PCDHA9: variants seen among roughly 807,000 people sequenced by gnomAD.
PCDHA9 encodes protocadherin alpha 9.
Under a neutral mutation model 62.0 loss-of-function variants are expected in PCDHA9, and 62 were observed. The ratio of observed to expected loss-of-function variants is 1.00; its 90% CI spans 0.81 to 1.23. The LOEUF is 1.23. Among genes scored for constraint, PCDHA9 ranks in the 50% most tolerant of loss-of-function variants. The pLI is 0.00. For synonymous variants in PCDHA9, 557 were observed against 567.6 expected (o/e 0.98, Z 0.27); for missense variants, 1,205 against 1,249.8 (o/e 0.96, Z 0.54).
At chr5:140,988,828 A>C (rs1554250455) in intron 3 of PCDHA9, 1 of 152,170 alleles carries the variant, frequency 6.6e-6, no homozygotes, top group Non-Finnish European at 1.5e-5. Flanking sequence ...CCAAACAGAG[A>C]TCACGTGTCT....
At chr5:140,882,944 G>A (rs2059374287) in intron 1 of PCDHA9, 2 of 1,614,088 alleles carry the variant, frequency 1.2e-6, no homozygotes, top group Non-Finnish European at 8.5e-7. Flanking sequence ...GACTGGCACA[G>A]TTCAGCTGCT....
chr5:140,854,230 A>G (rs2043046050), intron 1 of PCDHA9: 3 of 629,370 alleles, frequency 4.8e-6, no homozygotes, highest in Admixed American at 1.3e-4. Flanking sequence ...CTACATTGGG[A>G]TATTTATGTT....
intron 3 of PCDHA9, among the ~76,000 whole-genome samples, chr5:141,008,308 TA>T (rs1554261716): frequency 6.6e-6 from 1 of 152,214 alleles, no homozygotes; most frequent in East Asian, 1.9e-4. Flanking sequence ...CCCTAAACTG[TA>T]ATTGAACATA....
chr5:141,006,992 A>C (rs1187318452), intron 3 of PCDHA9, among the ~76,000 whole-genome samples: 3 of 152,196 alleles, frequency 2.0e-5, no homozygotes, highest in Non-Finnish European at 2.9e-5. Flanking sequence ...GGCTTAAAAT[A>C]TAAGTCTGCA....
At chr5:140,958,700 C>G (rs2095439212) in intron 1 of PCDHA9, among the ~76,000 whole-genome samples, 1 of 152,086 alleles carries the variant, frequency 6.6e-6, no homozygotes, top group Non-Finnish European at 1.5e-5. Context: ...CCTAGAGTGA[C>G]AACTCTGTTA....
intron 1 of PCDHA9, chr5:140,857,395 C>T (rs1554149953): frequency 6.3e-7 from 1 of 1,598,586 alleles, no homozygotes; most frequent in South Asian, 1.1e-5. Context: ...ACGTGAACGA[C>T]AACGCGCCTG....
rs2150415705 is a variant in PCDHA9 at position 140,848,636 on chromosome 5, C to G, written c.141C>G (p.Arg47=). 17 of 1,593,284 alleles carry G rather than the reference C, an allele frequency of 1.1e-5. 2 individuals carry two copies. The highest frequency in any genetic ancestry group is 6.7e-5 in the African/African-American group (5 of 74,384). Residue 47 remains arginine, a synonymous_variant, in exon 1 of 4, where the codon CGC becomes CGG. Transcript: ENST00000532602. ...EEAEHGTFVG[R]IAQDLGLELA... Reference sequence around the variant, plus strand: ...CCGAACACGGCACCTTCGTGGGCCGCATCGCGCAGGACCTGGGGCTGGAGC... The same window carrying G: ...CCGAACACGGCACCTTCGTGGGCCGGATCGCGCAGGACCTGGGGCTGGAGC...
At chr5:140,946,219 G>A (rs2093905754) in intron 1 of PCDHA9, among the ~76,000 whole-genome samples, 1 of 151,856 alleles carries the variant, frequency 6.6e-6, no homozygotes, top group Non-Finnish European at 1.5e-5. Context: ...TGACCAACAG[G>A]TATACTAAAA....
At position 140,903,816 on chromosome 5, in the gene PCDHA9, C is replaced by T. The variant is rs963125816; in HGVS notation, c.2394+52927C>T. On this transcript the variant is annotated intron_variant, in intron 1 of 3. Coordinates refer to ENST00000532602, the MANE Select transcript of PCDHA9 (RefSeq NM_031857.2). ...TTGTAATTGACAAGTATAGTTCTCACATGAATGTCTGTTGGTATTTTCATT... is the reference window on the plus strand; with the variant it reads ...TTGTAATTGACAAGTATAGTTCTCATATGAATGTCTGTTGGTATTTTCATT... Among the ~76,000 whole-genome samples, 7 of 152,190 alleles carry T rather than the reference C, an allele frequency of 4.6e-5. 1 individual carries two copies. The highest frequency in any genetic ancestry group is 2.6e-4 in the Admixed American group (4 of 15,282).
intron 1 of PCDHA9, among the ~76,000 whole-genome samples, chr5:140,888,767 T>G (rs927723567): frequency 6.6e-6 from 1 of 152,048 alleles, no homozygotes; most frequent in Non-Finnish European, 1.5e-5. Flanking sequence ...TTTTTTTTAA[T>G]TTTGAAGGGA....
chr5:140,875,438 T>A, intron 1 of PCDHA9: 1 of 1,568,134 alleles, frequency 6.4e-7, no homozygotes, highest in Non-Finnish European at 8.6e-7. Flanking sequence ...CCCTTAAAAC[T>A]GATTGTCCCA....
intron 3 of PCDHA9, among the ~76,000 whole-genome samples, chr5:140,987,919 A>G (rs1441531471): frequency 1.3e-5 from 2 of 152,082 alleles, no homozygotes; most frequent in East Asian, 3.9e-4. Context: ...TATATTCTTA[A>G]TTGTCTCAAG....
At position 140,869,428 on chromosome 5, in the gene PCDHA9, A is replaced by G. The variant is rs781860422; in HGVS notation, c.2394+18539A>G. The G allele has an allele frequency of 9.3e-6, 15 of 1,614,214 alleles. No individual in the cohort carries two copies. In the South Asian group the frequency reaches 1.6e-4, roughly 18 times the overall value. On this transcript the variant is annotated intron_variant, in intron 1 of 3. Transcript: ENST00000532602. The stretch of plus-strand genomic sequence containing the variant: ...GGAGTGCAGCATCCACCTGGAGGTG[A>G]TCGTGGACAGGCCGCTGCAGGTTTT...
At chr5:140,942,105 A>G (rs572263085) in intron 1 of PCDHA9, among the ~76,000 whole-genome samples, 2 of 152,344 alleles carry the variant, frequency 1.3e-5, no homozygotes, top group South Asian at 2.1e-4. Context: ...CATTCATATA[A>G]TCAAACTTTA....
chr5:140,988,694 C>T (rs1328459106), intron 3 of PCDHA9, among the ~76,000 whole-genome samples: 1 of 152,180 alleles, frequency 6.6e-6, no homozygotes, highest in Non-Finnish European at 1.5e-5. Flanking sequence ...CCTAGACGCT[C>T]TGTATTTTCT....
intron 1 of PCDHA9, chr5:140,864,877 T>C (rs1475391841): frequency 6.6e-6 from 1 of 152,220 alleles, no homozygotes; most frequent in Non-Finnish European, 1.5e-5. Flanking sequence ...CCATTGTCTG[T>C]GTTCATTAAG....
intron 3 of PCDHA9, among the ~76,000 whole-genome samples, chr5:140,984,647 G>C (rs1169327185): frequency 6.6e-6 from 1 of 152,102 alleles, no homozygotes; most frequent in Non-Finnish European, 1.5e-5. Flanking sequence ...CCTTCTCCCT[G>C]TCCTTCTGGT....
chr5:140,869,939 A>T (rs377186222), intron 1 of PCDHA9: 5 of 1,612,014 alleles, frequency 3.1e-6, no homozygotes, highest in Non-Finnish European at 4.2e-6. Flanking sequence ...GAGGTAACAT[A>T]CTCCTTAATG....
At chr5:140,901,439 A>G (rs2068668793) in intron 1 of PCDHA9, among the ~76,000 whole-genome samples, 1 of 152,164 alleles carries the variant, frequency 6.6e-6, no homozygotes, top group South Asian at 2.1e-4. Flanking sequence ...ATGGATATCT[A>G]GTTTCCCAGC....
Sources: allele counts gnomAD v4.1 joint callset (sites outside exome capture counted in the v4.1 genomes callset), GRCh38; gene constraint gnomAD v4.1.1; transcripts MANE v1.5; gene names NCBI Gene and HGNC (gene_info 2026-07-23, HGNC 2026-07-21).